The following CADM2 variants were observed in gnomAD, a reference collection of about 807,000 sequenced individuals.
CADM2 encodes cell adhesion molecule 2, also known as immunoglobulin superfamily member 4D.
Under a neutral mutation model 49.8 loss-of-function variants are expected in CADM2, and 12 were observed. That is an observed-to-expected ratio of 0.24 (90% CI 0.15 to 0.39). CADM2 has a LOEUF of 0.39. Ranked by LOEUF, CADM2 falls within the 10% of genes least tolerant of loss-of-function variation. The pLI is 1.00. For synonymous variants in CADM2, 214 were observed against 175.4 expected, an observed-to-expected ratio of 1.22 and a Z score of -1.74; for missense variants, 378 against 492.3, an observed-to-expected ratio of 0.77 and a Z score of 2.20.
chr3:85,857,054 G>A (rs940615112), intron 3 of CADM2, among the ~76,000 whole-genome samples: 3 of 152,100 alleles, frequency 2.0e-5, no homozygotes, highest in African/African-American at 7.2e-5. Context: ...GCATAGTTGG[G>A]TTCTAGTGAT....
chr3:85,173,938 G>A (rs1408022866), intron 1 of CADM2, among the ~76,000 whole-genome samples: 2 of 152,090 alleles, frequency 1.3e-5, no homozygotes, highest in Non-Finnish European at 2.9e-5. Flanking sequence ...ATTTAGGAGA[G>A]CTCTTAGAAT....
intron 8 of CADM2, among the ~76,000 whole-genome samples, chr3:86,059,400 C>A (rs1412148930): frequency 6.6e-6 from 1 of 152,078 alleles, no homozygotes; most frequent in Non-Finnish European, 1.5e-5. Context: ...ACATAATTTT[C>A]TCTTTGGAGT....
intron 1 of CADM2, among the ~76,000 whole-genome samples, chr3:85,294,267 G>A (rs1047278817): frequency 6.6e-6 from 1 of 151,982 alleles, no homozygotes; most frequent in East Asian, 1.9e-4. Context: ...GAACTACAAA[G>A]CACTGCTCAA....
chr3:85,876,243 G>A (rs1049780965), intron 3 of CADM2, among the ~76,000 whole-genome samples: 14 of 152,054 alleles, frequency 9.2e-5, no homozygotes, highest in African/African-American at 3.4e-4. Flanking sequence ...CCTGATGTAG[G>A]TTTTCCTTTA....
intron 1 of CADM2, among the ~76,000 whole-genome samples, chr3:85,100,307 G>A (rs1246967102): frequency 1.3e-5 from 2 of 152,100 alleles, no homozygotes; most frequent in Non-Finnish European, 2.9e-5. Context: ...TCGGTTGTGG[G>A]TTGCCAAGTA....
intron 1 of CADM2, among the ~76,000 whole-genome samples, chr3:85,498,951 C>T (rs2040009928): frequency 6.6e-6 from 1 of 152,066 alleles, no homozygotes; most frequent in Middle Eastern, 3.2e-3. Context: ...TAAGAATTGA[C>T]ATTTGCGTAA....
At chr3:85,504,946 G>C (rs12495698) in intron 1 of CADM2, among the ~76,000 whole-genome samples, 2 of 152,018 alleles carry the variant, frequency 1.3e-5, no homozygotes, top group African/African-American at 4.8e-5. Flanking sequence ...GCCCGGGGCC[G>C]GCAGGGCCGG....
At chr3:85,236,321 A>G (rs2042407028) in intron 1 of CADM2, among the ~76,000 whole-genome samples, 1 of 152,020 alleles carries the variant, frequency 6.6e-6, no homozygotes, top group Non-Finnish European at 1.5e-5. Context: ...GTGTAATAGC[A>G]TCTCTTGGAT....
intron 1 of CADM2, among the ~76,000 whole-genome samples, chr3:85,051,812 G>A (rs952898338): frequency 4.6e-5 from 7 of 152,078 alleles, no homozygotes; most frequent in African/African-American, 1.7e-4. Flanking sequence ...TAAAAGAAAA[G>A]AAAACGGGGC....
At chr3:85,458,572 G>T (rs961789604) in intron 1 of CADM2, among the ~76,000 whole-genome samples, 1 of 152,160 alleles carries the variant, frequency 6.6e-6, no homozygotes, top group African/African-American at 2.4e-5. Context: ...GGTAGGTAAA[G>T]ATCAATTTGA....
At chr3:86,042,744 C>T (rs909574307) in intron 8 of CADM2, among the ~76,000 whole-genome samples, 5 of 152,112 alleles carry the variant, frequency 3.3e-5, no homozygotes, top group Non-Finnish European at 7.4e-5. Flanking sequence ...CCAGCATCAT[C>T]CTGATACCAA....
chr3:85,674,811 C>A (rs1227554612), intron 1 of CADM2, among the ~76,000 whole-genome samples: 1 of 152,086 alleles, frequency 6.6e-6, no homozygotes, highest in Non-Finnish European at 1.5e-5. Flanking sequence ...AAAAGCAGCT[C>A]TACTTTTATG....
chr3:85,667,954 ACTAT>A lies in CADM2; in HGVS notation c.62-58563_62-58560del, dbSNP rs1188579252. 4.6e-5 allele frequency among the ~76,000 whole-genome samples: 7 copies of A among 152,196 alleles called. No individual in the cohort carries two copies. In the East Asian group the frequency reaches 1.3e-3, roughly 29 times the overall value. ...TATTGCACAATAAATGCCAGCTCTT[ACTAT>A]CTATTTCTGTATATGTGAAGGCTAA... On this transcript the variant is annotated intron_variant, in intron 1 of 9. Transcript: ENST00000383699.
intron 1 of CADM2, among the ~76,000 whole-genome samples, chr3:85,664,230 C>T (rs1359620914): frequency 1.3e-5 from 2 of 151,966 alleles, no homozygotes; most frequent in Non-Finnish European, 1.5e-5. Context: ...CCCATGACCC[C>T]GTGATTTTCA....
intron 8 of CADM2, chr3:86,014,824 A>ACC (rs1732005189): frequency 6.7e-7 from 1 of 1,500,170 alleles, no homozygotes; most frequent in African/African-American, 1.4e-5. Context: ...TCCACCATCT[A>ACC]TGAAGCCCTC....
chr3:85,745,718 A>T (rs1049882599), intron 2 of CADM2, among the ~76,000 whole-genome samples: 1 of 152,150 alleles, frequency 6.6e-6, no homozygotes, highest in African/African-American at 2.4e-5. Context: ...ATTAAAAATT[A>T]TTCAGGCATA....
At chr3:85,939,493 A>G (rs1721583985) in intron 7 of CADM2, among the ~76,000 whole-genome samples, 1 of 151,542 alleles carries the variant, frequency 6.6e-6, no homozygotes, top group Admixed American at 6.6e-5. Context: ...ACACACACAC[A>G]CACACACACA....
intron 1 of CADM2, among the ~76,000 whole-genome samples, chr3:85,134,789 T>G (rs1405427077): frequency 6.6e-6 from 1 of 152,042 alleles, no homozygotes; most frequent in Non-Finnish European, 1.5e-5. Context: ...ATTGTGCAAA[T>G]TTTTTAAAAA....
intron 1 of CADM2, among the ~76,000 whole-genome samples, chr3:85,500,876 C>G (rs1251585763): frequency 6.6e-6 from 1 of 151,798 alleles, no homozygotes; most frequent in African/African-American, 2.4e-5. Context: ...GCCATGCAGT[C>G]ACTGAAATTT....
Sources: gnomAD v4.1 joint callset for allele counts (sites outside exome capture counted in the v4.1 genomes callset) on GRCh38, gnomAD v4.1.1 for gene constraint, MANE v1.5 for transcripts, NCBI Gene and HGNC (gene_info 2026-07-23, HGNC 2026-07-21) for gene names.